PTGIS: variants seen among roughly 807,000 people sequenced by gnomAD.
PTGIS encodes the protein prostaglandin I2 synthase.
PTGIS carries 45 observed loss-of-function variants against 50.3 expected under a neutral mutation model. The observed-to-expected ratio is 0.90, with a 90% CI of 0.70 to 1.15. PTGIS has a LOEUF of 1.15. Among genes scored for constraint, PTGIS ranks in the 50% most tolerant of loss-of-function variants. The pLI is 0.00. For missense variants in PTGIS, 668 were observed against 661.3 expected (o/e 1.01, Z -0.11); for synonymous variants, 260 against 267.7 (o/e 0.97, Z 0.28).
intron 9 of PTGIS, among the ~76,000 whole-genome samples, chr20:49,508,821 A>G (rs1981232891): frequency 6.6e-6 from 1 of 152,220 alleles, no homozygotes; most frequent in Admixed American, 6.5e-5. Flanking sequence ...CCTATGATGT[A>G]ATCAGTGCCC....
chr20:49,560,362 C>G (rs567036909), intron 1 of PTGIS, among the ~76,000 whole-genome samples: 1 of 152,230 alleles, frequency 6.6e-6, no homozygotes, highest in Non-Finnish European at 1.5e-5. Context: ...TGCCATCACA[C>G]CTGACTTTGT....
At chr20:49,537,478 G>A (rs1180756059) in intron 5 of PTGIS, among the ~76,000 whole-genome samples, 1 of 152,240 alleles carries the variant, frequency 6.6e-6, no homozygotes, top group South Asian at 2.1e-4. Context: ...GGCTAGGCAG[G>A]GCGTGGTGGC....
At position 49,544,448 on chromosome 20, in the gene PTGIS, C is replaced by A. The variant is rs967489527; in HGVS notation, c.378G>T (p.Leu126=). The change falls in exon 4 of 10, where the codon CTG becomes CTT. Residue 126 remains leucine, a splice_region_variant and synonymous_variant. Transcript: ENST00000244043. Reference sequence around the variant, plus strand: ...CCTGGAGCTCTCTGTGGAGAAGAGTCCTGAGGCAGGAAACAAAAGCATGAA... The same window carrying A: ...CCTGGAGCTCTCTGTGGAGAAGAGTACTGAGGCAGGAAACAAAAGCATGAA... ...SPSDEKARMK[L]TLLHRELQAL... The A allele has an allele frequency of 1.2e-6, 2 of 1,614,064 alleles. No individual in the cohort carries two copies. The highest frequency in any genetic ancestry group is 1.7e-6 in the Non-Finnish European group (2 of 1,180,010).
chr20:49,547,797 C>T (rs144558895), intron 3 of PTGIS, 44 bp downstream of exon 3: 23,124 of 1,602,478 alleles, frequency 0.014, 220 homozygotes, highest in Middle Eastern at 0.018. Flanking sequence ...AGAAATGAGT[C>T]GCCCACCCTG....
At chr20:49,545,821 T>G (rs1982341553) in intron 3 of PTGIS, among the ~76,000 whole-genome samples, 1 of 150,874 alleles carries the variant, frequency 6.6e-6, no homozygotes, top group Non-Finnish European at 1.5e-5. Flanking sequence ...ATCAGGGCCC[T>G]GATCTGTCAT....
At chr20:49,537,335 T>C (rs1473046237) in intron 5 of PTGIS, among the ~76,000 whole-genome samples, 1 of 152,184 alleles carries the variant, frequency 6.6e-6, no homozygotes, top group African/African-American at 2.4e-5. Flanking sequence ...CTAAGTACGC[T>C]CTGCAGCCAC....
At chr20:49,508,274 G>C (rs920492779) in intron 9 of PTGIS, among the ~76,000 whole-genome samples, 1 of 152,212 alleles carries the variant, frequency 6.6e-6, no homozygotes, top group Non-Finnish European at 1.5e-5. Context: ...ATGAGTTCTG[G>C]TGAATGGGCT....
At chr20:49,567,988 C>G in intron 1 of PTGIS, 55 bp downstream of exon 1, 2 of 1,436,352 alleles carry the variant, frequency 1.4e-6, no homozygotes, top group Non-Finnish European at 1.8e-6. Context: ...GGGCTGCAGC[C>G]CGGGCGGGAG....
intron 6 of PTGIS, among the ~76,000 whole-genome samples, chr20:49,515,427 T>C (rs1283418600): frequency 1.3e-5 from 2 of 152,240 alleles, no homozygotes; most frequent in Non-Finnish European, 2.9e-5. Context: ...AATGTGTATA[T>C]GGCACCCTTT....
At chr20:49,524,366 T>C (rs1981740155) in intron 5 of PTGIS, 127 bp from the exon 6 acceptor site, 1 of 1,109,840 alleles carries the variant, frequency 9.0e-7, no homozygotes. Context: ...GGGGAGTTCC[T>C]GTGGGAAAGA....
intron 5 of PTGIS, among the ~76,000 whole-genome samples, chr20:49,525,583 C>T (rs1568673441): frequency 1.4e-5 from 2 of 145,614 alleles, no homozygotes; most frequent in South Asian, 2.2e-4. Flanking sequence ...TTTTCTACTT[C>T]TTTTTTTTTT....
chr20:49,531,048 C>T (rs765442919), intron 5 of PTGIS, among the ~76,000 whole-genome samples: 3 of 152,084 alleles, frequency 2.0e-5, no homozygotes, highest in African/African-American at 4.8e-5. Flanking sequence ...TGTGAGCCAC[C>T]GCTCCCAGAT....
chr20:49,509,842 C>T (rs1451247531), intron 9 of PTGIS, among the ~76,000 whole-genome samples: 1 of 147,442 alleles, frequency 6.8e-6, no homozygotes, highest in Non-Finnish European at 1.5e-5. Flanking sequence ...CCCAGTCCCC[C>T]TTTTCCCTCA....
intron 1 of PTGIS, among the ~76,000 whole-genome samples, chr20:49,558,230 A>C (rs886489697): frequency 6.6e-6 from 1 of 152,302 alleles, no homozygotes; most frequent in South Asian, 2.1e-4. Flanking sequence ...CTCTACAAAA[A>C]ATACAAAAAT....
intron 5 of PTGIS, among the ~76,000 whole-genome samples, chr20:49,531,386 C>T (rs1981931924): frequency 6.6e-6 from 1 of 152,042 alleles, no homozygotes; most frequent in South Asian, 2.1e-4. Context: ...CATAAAGCCC[C>T]CTCCTGAAAT....
rs1011005176 is a variant in PTGIS at position 49,524,628 on chromosome 20, T to A, written c.674-389A>T. ...GTAATTTATTTATTTATTTATTTTT[T>A]AAAAAATAGGTTTAATGGACTCACA... On this transcript the variant is annotated intron_variant, in intron 5 of 9. Coordinates refer to ENST00000244043, the MANE Select transcript of PTGIS (RefSeq NM_000961.4). Among the ~76,000 whole-genome samples the A allele has an allele frequency of 6.6e-5, 10 of 152,244 alleles. No individual in the cohort carries two copies. The East Asian group carries it at 1.2e-3, about 18-fold the overall frequency.
intron 5 of PTGIS, among the ~76,000 whole-genome samples, chr20:49,535,216 T>C (rs1035554140): frequency 6.6e-5 from 10 of 152,234 alleles, no homozygotes; most frequent in African/African-American, 2.2e-4. Context: ...GAAAGATTGA[T>C]GGCATCTGGT....
At chr20:49,510,037 C>G (rs984364964) in intron 9 of PTGIS, among the ~76,000 whole-genome samples, 1 of 151,786 alleles carries the variant, frequency 6.6e-6, no homozygotes, top group African/African-American at 2.4e-5. Flanking sequence ...TACAGGCACG[C>G]TCCACCACAC....
Position 49,540,993 on chromosome 20 carries a change from G to A in PTGIS, c.522-1272C>T, listed in dbSNP as rs1338267661. Among the ~76,000 whole-genome samples the A allele has an allele frequency of 1.3e-5, 2 of 152,204 alleles. No individual in the cohort carries two copies. Among genetic ancestry groups the A allele is most frequent in the Admixed American group, 6.5e-5 (1 of 15,286 alleles). On this transcript the variant is annotated intron_variant, in intron 4 of 9. Coordinates refer to ENST00000244043, the MANE Select transcript of PTGIS (RefSeq NM_000961.4). The surrounding 1 kb of genome is among the most constrained non-coding windows in gnomAD (Gnocchi z 4.8). ...GCAGGAATGAGGGTAGGTGGGGGCC[G>A]AGAGAGGCCTGCGTGGTCCCTGCTC... is the stretch of plus-strand genomic sequence containing the variant.
Sources: allele counts gnomAD v4.1 joint callset (sites outside exome capture counted in the v4.1 genomes callset), GRCh38; gene constraint gnomAD v4.1.1; non-coding constraint Gnocchi (gnomAD v3.1); transcripts MANE v1.5; gene names NCBI Gene and HGNC (gene_info 2026-07-23, HGNC 2026-07-21).